The following USP6 variants were observed in gnomAD, a reference collection of about 807,000 sequenced individuals.
USP6 encodes the protein ubiquitin specific peptidase 6, also known as ubiquitin carboxyl-terminal hydrolase 6.
Under a neutral mutation model 175.7 loss-of-function variants are expected in USP6, and 128 were observed. The ratio of observed to expected loss-of-function variants is 0.73; its 90% CI spans 0.63 to 0.84. USP6 has a LOEUF of 0.84. USP6 is among the 40% of genes least tolerant of loss of function. The pLI is 0.00. For synonymous variants in USP6, 562 were observed against 630.6 expected (o/e 0.89, Z 1.63); for missense variants, 1,498 against 1,760.3 (o/e 0.85, Z 2.67).
Position 5,130,672 on chromosome 17 carries a change from T to C in USP6, c.143T>C (p.Phe48Ser), listed in dbSNP as rs1193411665. The part of the protein sequence containing the change: ...PVGINSSIDR[F>S]GILHETELPP... ...GGAATCAACAGCAGCATTGATCGTT[T>C]TGGCATTTTGCAGTGAGTCATCCTC... Residue 48 changes from phenylalanine (F) to serine (S), a missense_variant, in exon 11 of 38, where the codon TTT (phenylalanine) becomes TCT (serine). By Grantham distance (155) the Phe-to-Ser change is radical. Coordinates refer to ENST00000574788, the MANE Select transcript of USP6 (RefSeq NM_001304284.2). 1.2e-6 allele frequency: 2 copies of C among 1,614,008 alleles called. No homozygotes were observed. The highest frequency in any genetic ancestry group is 2.2e-5 in the East Asian group (1 of 44,884).
chr17:5,168,283 A>G (rs1313226868), intron 34 of USP6, among the ~76,000 whole-genome samples, 160 bp downstream of exon 34: 3 of 152,256 alleles, frequency 2.0e-5, no homozygotes, highest in Non-Finnish European at 4.4e-5. Context: ...ACAGAGATGA[A>G]TCTTTCTACA....
rs1467278368 is a variant in USP6 at position 5,147,198 on chromosome 17, A to C, written c.2431+4A>C. The stretch of plus-strand genomic sequence containing the variant: ...GCTTCTAGTCCAACACAAATAGGTA[A>C]GATAGAACTAGAACTCCTTCTCATG... On this transcript the variant is annotated splice_donor_region_variant and intron_variant, in intron 29 of 37. Transcript: ENST00000574788. 2 of 1,605,522 alleles carry C rather than the reference A, an allele frequency of 1.2e-6. No individual in the cohort carries two copies. Among genetic ancestry groups the C allele is most frequent in the Non-Finnish European group, 1.7e-6 (2 of 1,173,508 alleles).
intron 10 of USP6, 75 bp from the exon 11 acceptor site, chr17:5,130,527 G>T: frequency 1.2e-6 from 2 of 1,611,304 alleles, no homozygotes; most frequent in South Asian, 2.2e-5. Flanking sequence ...ACAGGGCAGG[G>T]ACGGGTGGCC....
At chr17:5,165,482 G>A (rs2074078656) in intron 33 of USP6, among the ~76,000 whole-genome samples, 2 of 152,168 alleles carry the variant, frequency 1.3e-5, no homozygotes, top group South Asian at 4.1e-4. Context: ...TTGGGAGGCT[G>A]AGGATGGAGG....
At chr17:5,122,056 AG>A (rs759649410) in intron 4 of USP6, among the ~76,000 whole-genome samples, 9 of 133,294 alleles carry the variant, frequency 6.8e-5, no homozygotes, top group Non-Finnish European at 1.1e-4. Context: ...AATGGATCAG[AG>A]GGGTCAGGGT....
Position 5,132,282 on chromosome 17 carries a change from G to C in USP6, c.156-114G>C, listed in dbSNP as rs2073094618. The C allele has an allele frequency of 6.2e-7, 1 of 1,609,104 alleles. No homozygotes were observed. Reference sequence around the variant, plus strand: ...CTCCCTTCCCTGTGCCTTCTCCCGGGCTGAGCCCTGAGCTGGATAGGGACA... The same window carrying C: ...CTCCCTTCCCTGTGCCTTCTCCCGGCCTGAGCCCTGAGCTGGATAGGGACA... On this transcript the variant is annotated intron_variant, in intron 11 of 37. Coordinates refer to ENST00000574788, the MANE Select transcript of USP6 (RefSeq NM_001304284.2). This position sits in a 1 kb window ranked among gnomAD's most constrained non-coding sequence, Gnocchi z 4.7.
chr17:5,170,583 C>T lies in USP6; in HGVS notation c.3622C>T (p.Arg1208Trp), dbSNP rs1434258853. ...TTTGGGGAGGAGCAAAGGGAGGCTCCGGCTGCCCCAGATTGGCAGCAAAAA... is the reference window on the plus strand; with the variant it reads ...TTTGGGGAGGAGCAAAGGGAGGCTCTGGCTGCCCCAGATTGGCAGCAAAAA... ...RTLGRSKGRL[R>W]LPQIGSKNKP... Residue 1208 changes from arginine (R) to tryptophan (W), a missense_variant, in exon 36 of 38, where the codon CGG becomes TGG. By Grantham distance (101) the Arg-to-Trp change is moderately radical. This residue lies in a region of USP6 where 1,217 missense variants were observed against 1,500.8 expected (regional missense o/e 0.81). Coordinates refer to ENST00000574788, the MANE Select transcript of USP6 (RefSeq NM_001304284.2). The T allele has an allele frequency of 4.1e-5, 66 of 1,612,314 alleles. No homozygotes were observed. The highest frequency in any genetic ancestry group is 5.1e-5 in the Non-Finnish European group (60 of 1,179,858).
intron 31 of USP6, among the ~76,000 whole-genome samples, chr17:5,157,872 C>T (rs1311302715): frequency 1.3e-5 from 2 of 150,980 alleles, no homozygotes; most frequent in Non-Finnish European, 2.9e-5. Context: ...CTCATGATCC[C>T]ACCTCAGCCT....
chr17:5,171,437 A>T, intron 36 of USP6, 150 bp from the exon 37 acceptor site: 1 of 686,212 alleles, frequency 1.5e-6, no homozygotes. Flanking sequence ...CTTTTTGCTT[A>T]TTTTGGTTTT....
In USP6 at chr17:5,139,308, G is replaced by A; in HGVS notation, c.1132G>A (p.Gly378Arg). Residue 378 changes from glycine (G) to arginine (R), a missense_variant, in exon 22 of 38, where the codon GGG (glycine) becomes AGG (arginine). Transcript: ENST00000574788. Reference protein sequence around the residue: ...APRPVPASRGGKTLCKGYRQA... With the variant: ...APRPVPASRGRKTLCKGYRQA... Reference sequence around the variant, plus strand: ...CAGGCCTGTGCCGGCTTCACGTGGTGGGAAGACCCTCTGCAAGGGGTATAG... The same window carrying A: ...CAGGCCTGTGCCGGCTTCACGTGGTAGGAAGACCCTCTGCAAGGGGTATAG... The A allele has an allele frequency of 1.2e-6, 2 of 1,609,454 alleles. No individual in the cohort carries two copies.
chr17:5,165,158 G>A (rs1218261766), intron 33 of USP6, among the ~76,000 whole-genome samples: 4 of 152,080 alleles, frequency 2.6e-5, no homozygotes, highest in Admixed American at 6.6e-5. Flanking sequence ...TACTATTTAG[G>A]AAAAAGGACA....
At position 5,146,147 on chromosome 17, in the gene USP6, A is replaced by G; in HGVS notation, c.2292A>G (p.Leu764=). The G allele has an allele frequency of 6.2e-7, 1 of 1,612,000 alleles. No homozygotes were observed. Among genetic ancestry groups the G allele is most frequent in the Admixed American group, 1.7e-5 (1 of 59,656 alleles). Residue 764 remains leucine (L), a synonymous_variant, in exon 28 of 38, where the codon CTA becomes CTG. Coordinates refer to ENST00000574788, the MANE Select transcript of USP6 (RefSeq NM_001304284.2). ...LCGLNSEQIL[L]AEVHDSNIKN... is the part of the protein sequence containing the mutation. ...GACTTAATTCAGAACAAATCCTACT[A>G]GCAGAAGTACATGATTCCAACATAA...
chr17:5,136,693 C>G lies in USP6; in HGVS notation c.718C>G (p.His240Asp), dbSNP rs535364927. Residue 240 changes from histidine to aspartate, a missense_variant, in exon 18 of 38, where the codon CAT becomes GAT. Physicochemically the swap from His to Asp is moderately conservative, Grantham distance 81 (BLOSUM62 -1). This residue lies in a region of USP6 where 1,217 missense variants were observed against 1,500.8 expected (regional missense o/e 0.81). Coordinates refer to ENST00000574788, the MANE Select transcript of USP6 (RefSeq NM_001304284.2). ...CCAGGGGCTCCAAGACCAACAGGAG[C>G]ATGTGGTACCCAAGTCACAACCCAA... ...TVQGLQDQQE[H>D]VVPKSQPKTM... The G allele has an allele frequency of 2.0e-5, 33 of 1,612,234 alleles. No homozygotes were observed. The South Asian group carries it at 2.7e-4, about 13-fold the overall frequency.
chr17:5,154,926 G>A (rs28571973), intron 30 of USP6, among the ~76,000 whole-genome samples: 1,800 of 152,160 alleles, frequency 0.012, 44 homozygotes, highest in African/African-American at 0.041. Context: ...TATAGAGATG[G>A]GGTCTCCCTA....
Position 5,137,202 on chromosome 17 carries a change from G to A in USP6, c.825+16G>A. 1 of 1,612,088 alleles carries A rather than the reference G, an allele frequency of 6.2e-7. No homozygotes were observed. The highest frequency in any genetic ancestry group is 8.5e-7 in the Non-Finnish European group (1 of 1,179,194). ...GATTGACGGGGTAAGGAGGCATAGG[G>A]AGACCCTGGCTCAGGGACCCTCCTT... On this transcript the variant is annotated intron_variant, in intron 19 of 37. Transcript: ENST00000574788.
At chr17:5,162,504 G>T (rs1336950281) in intron 32 of USP6, among the ~76,000 whole-genome samples, 1 of 152,146 alleles carries the variant, frequency 6.6e-6, no homozygotes, top group African/African-American at 2.4e-5. Flanking sequence ...AAGGAGATAG[G>T]TGTTATACCA....
chr17:5,168,587 A>G (rs2074145324), intron 34 of USP6, among the ~76,000 whole-genome samples, 180 bp from the exon 35 acceptor site: 1 of 152,278 alleles, frequency 6.6e-6, no homozygotes, highest in South Asian at 2.1e-4. Context: ...ACGCCAGTGC[A>G]CTAGGGCCTG....
Position 5,148,729 on chromosome 17 carries a change from C to G in USP6, c.2605C>G (p.Pro869Ala), listed in dbSNP as rs2073679824. Residue 869 changes from proline (P) to alanine (A), a missense_variant, in exon 30 of 38, where the codon CCC becomes GCC. Pro to Ala is a conservative substitution (Grantham distance 27). Coordinates refer to ENST00000574788, the MANE Select transcript of USP6 (RefSeq NM_001304284.2). ...TCACATGCCATCTCTTCCTGACAGC[C>G]CCTTTACAGGTTACATCATTGCAGT... ...NGHMPSLPDSPFTGYIIAVHR... is the reference protein window; with the variant it reads ...NGHMPSLPDSAFTGYIIAVHR... The G allele has an allele frequency of 1.2e-6, 2 of 1,613,782 alleles. No individual in the cohort carries two copies. Among genetic ancestry groups the G allele is most frequent in the Non-Finnish European group, 1.7e-6 (2 of 1,179,796 alleles).
chr17:5,171,628 T>G lies in USP6; in HGVS notation c.3996T>G (p.Tyr1332Ter). The G allele has an allele frequency of 1.9e-6, 3 of 1,613,842 alleles. No homozygotes were observed. The highest frequency in any genetic ancestry group is 1.7e-6 in the Non-Finnish European group (2 of 1,179,812). The part of the protein sequence containing the change: ...GILSGGHYIT[Y>*]AKNPNCKWYC... ...TGAGTGGGGGCCATTACATCACTTA[T>G]GCCAAAAACCCAAACTGCAAGTGGT... is the stretch of plus-strand genomic sequence containing the variant. The change falls in exon 37 of 38, where the codon TAT becomes TAG. Residue 1332 changes from tyrosine to a stop codon, truncating the protein, a stop_gained. Transcript: ENST00000574788. LOFTEE classifies it high-confidence loss of function.
Sources: gnomAD v4.1 joint callset for allele counts (sites outside exome capture counted in the v4.1 genomes callset) on GRCh38, gnomAD v4.1.1 for gene constraint, gnomAD v4.1.1 regional missense constraint, Gnocchi (gnomAD v3.1) non-coding constraint, MANE v1.5 for transcripts, NCBI Gene and HGNC (gene_info 2026-07-23, HGNC 2026-07-21) for gene names.